The following MYO3B variants were observed in gnomAD, a reference collection of about 807,000 sequenced individuals.
MYO3B encodes the protein myosin-IIIb.
A neutral mutation model predicts 174.6 loss-of-function variants in MYO3B; 156 were observed. That is an observed-to-expected ratio of 0.89 (90% CI 0.78 to 1.02). MYO3B has a LOEUF of 1.02. MYO3B is among the 50% of genes least tolerant of loss of function. The pLI, the probability that MYO3B is intolerant of heterozygous loss-of-function variation, is 0.00. For missense variants in MYO3B, 1,632 were observed against 1,639.4 expected, an observed-to-expected ratio of 1.00 and a Z score of 0.08; for synonymous variants, 563 against 569.1, an observed-to-expected ratio of 0.99 and a Z score of 0.15.
intron 25 of MYO3B, among the ~76,000 whole-genome samples, chr2:170,470,572 A>G (rs1684925321): frequency 6.6e-6 from 1 of 152,188 alleles, no homozygotes; most frequent in Admixed American, 6.5e-5. Flanking sequence ...ATATTCATGT[A>G]CAACTTTTAA....
At chr2:170,595,589 C>G (rs150354272) in intron 32 of MYO3B, among the ~76,000 whole-genome samples, 164 of 152,206 alleles carry the variant, frequency 1.1e-3, no homozygotes, top group Admixed American at 2.6e-3. Flanking sequence ...GGTACACGCA[C>G]CACCACGACT....
chr2:170,391,614 C>A lies in MYO3B; in HGVS notation c.1672C>A (p.Pro558Thr). ...SDFRLPEEKP[P>T]RYIADETGRV... is the part of the protein sequence containing the mutation. Reference sequence around the variant, plus strand: ...TTTCAGACTTCCTGAGGAAAAACCTCCTAGGTAAGTGTCAGGGGGGTTGGT... The same window carrying A: ...TTTCAGACTTCCTGAGGAAAAACCTACTAGGTAAGTGTCAGGGGGGTTGGT... Residue 558 changes from proline (P) to threonine (T), a missense_variant, in exon 15 of 35, where the codon CCT becomes ACT. Pro to Thr is a conservative substitution (Grantham distance 38). Coordinates refer to ENST00000408978, the MANE Select transcript of MYO3B (RefSeq NM_138995.5). 6.4e-7 allele frequency: 1 copy of A among 1,563,238 alleles called. No individual in the cohort carries two copies. The highest frequency in any genetic ancestry group is 1.9e-5 in the Admixed American group (1 of 52,952).
chr2:170,540,528 C>T (rs1690021100), intron 30 of MYO3B, among the ~76,000 whole-genome samples: 1 of 152,086 alleles, frequency 6.6e-6, no homozygotes, highest in Non-Finnish European at 1.5e-5. Flanking sequence ...AGTTCTCCCA[C>T]CTCCACCTCC....
At chr2:170,429,018 G>A (rs1431502599) in intron 22 of MYO3B, among the ~76,000 whole-genome samples, 1 of 152,144 alleles carries the variant, frequency 6.6e-6, no homozygotes, top group Non-Finnish European at 1.5e-5. Flanking sequence ...TGCACAATGG[G>A]AAGCTAACAG....
At chr2:170,240,818 T>C (rs974965205) in intron 7 of MYO3B, among the ~76,000 whole-genome samples, 7 of 152,212 alleles carry the variant, frequency 4.6e-5, no homozygotes, top group African/African-American at 1.7e-4. Context: ...GAACATAGGC[T>C]GTCTCTGGCT....
At chr2:170,436,927 T>A (rs2094758485) in intron 22 of MYO3B, among the ~76,000 whole-genome samples, 1 of 152,212 alleles carries the variant, frequency 6.6e-6, no homozygotes, top group South Asian at 2.1e-4. Context: ...TTGAGACCTT[T>A]GTGAACAGTT....
At chr2:170,326,817 C>T (rs2093871922) in intron 7 of MYO3B, among the ~76,000 whole-genome samples, 1 of 152,224 alleles carries the variant, frequency 6.6e-6, no homozygotes, top group Admixed American at 6.5e-5. Context: ...CCCCAAACCT[C>T]TGCAAGTCAT....
At chr2:170,347,916 T>G (rs1173821161) in intron 8 of MYO3B, 1 of 152,190 alleles carries the variant, frequency 6.6e-6, no homozygotes, top group Non-Finnish European at 1.5e-5. Context: ...CCTTCTCCCC[T>G]CCAGCCCCTG....
Position 170,275,602 on chromosome 2 carries a change from G to A in MYO3B, c.749+39466G>A, listed in dbSNP as rs146254318. ...AGCTTACTTTAAAAATAAGTCTCCA[G>A]TACTTGTGAGGAAGACTCATTGTCA... On this transcript the variant is annotated intron_variant, in intron 7 of 34. Coordinates refer to ENST00000408978, the MANE Select transcript of MYO3B (RefSeq NM_138995.5). Among the ~76,000 whole-genome samples the A allele has an allele frequency of 7.3e-3, 1,115 of 152,122 alleles. 11 individuals carry two copies. Among genetic ancestry groups the A allele is most frequent in the Non-Finnish European group, 7.5e-3 (512 of 67,988 alleles).
chr2:170,501,119 T>A (rs1315259420), intron 27 of MYO3B, among the ~76,000 whole-genome samples: 1 of 152,146 alleles, frequency 6.6e-6, no homozygotes, highest in African/African-American at 2.4e-5. Flanking sequence ...CGTGGGTGGC[T>A]TAATGCCCCA....
intron 1 of MYO3B, among the ~76,000 whole-genome samples, 171 bp from the exon 2 acceptor site, chr2:170,199,037 A>C (rs1334504140): frequency 6.6e-6 from 1 of 152,110 alleles, no homozygotes; most frequent in African/African-American, 2.4e-5. Flanking sequence ...TTTTATTACC[A>C]TTTCTTAAGG....
intron 32 of MYO3B, among the ~76,000 whole-genome samples, chr2:170,614,795 A>C (rs1009570935): frequency 2.0e-5 from 3 of 152,160 alleles, no homozygotes; most frequent in African/African-American, 7.2e-5. Flanking sequence ...CAGAGAATTC[A>C]CAGGCCCTAT....
At chr2:170,652,025 G>C in intron 33 of MYO3B, 83 bp from the exon 34 acceptor site, 1 of 1,410,472 alleles carries the variant, frequency 7.1e-7, no homozygotes, top group Non-Finnish European at 9.9e-7. Context: ...GCATCTGCTT[G>C]CATTCAACAC....
At chr2:170,347,707 G>A (rs947830684) in intron 8 of MYO3B, among the ~76,000 whole-genome samples, 2 of 152,212 alleles carry the variant, frequency 1.3e-5, no homozygotes, top group African/African-American at 4.8e-5. Flanking sequence ...CTGCTCTGAC[G>A]CTCATGATGC....
At chr2:170,203,520 A>C (rs1396374894) in intron 3 of MYO3B, among the ~76,000 whole-genome samples, 1 of 142,446 alleles carries the variant, frequency 7.0e-6, no homozygotes, top group Non-Finnish European at 1.5e-5. Context: ...GGAGGGAGGG[A>C]GAAAGAGAGA....
chr2:170,557,226 G>A (rs1182913490), intron 32 of MYO3B, among the ~76,000 whole-genome samples: 1 of 150,244 alleles, frequency 6.7e-6, no homozygotes, highest in Non-Finnish European at 1.5e-5. Flanking sequence ...TGCAAGCTCC[G>A]CCTCCTGGGT....
At chr2:170,481,354 G>A (rs60836915) in intron 25 of MYO3B, among the ~76,000 whole-genome samples, 55 of 152,312 alleles carry the variant, frequency 3.6e-4, no homozygotes, top group African/African-American at 1.3e-3. Context: ...GGAGGCCAAG[G>A]TGGGTGGATC....
intron 32 of MYO3B, among the ~76,000 whole-genome samples, chr2:170,577,990 G>A (rs895671061): frequency 6.6e-6 from 1 of 152,302 alleles, no homozygotes; most frequent in South Asian, 2.1e-4. Flanking sequence ...GTGTGTGCAC[G>A]TTTACATGCA....
intron 25 of MYO3B, among the ~76,000 whole-genome samples, chr2:170,495,386 A>G (rs183645222): frequency 1.3e-5 from 2 of 152,328 alleles, no homozygotes; most frequent in East Asian, 1.9e-4. Flanking sequence ...TGTCACTTAC[A>G]TGTTTCTTCA....
Sources: allele counts gnomAD v4.1 joint callset (sites outside exome capture counted in the v4.1 genomes callset), GRCh38; gene constraint gnomAD v4.1.1; transcripts MANE v1.5; gene names NCBI Gene and HGNC (gene_info 2026-07-23, HGNC 2026-07-21).